Variants in CLCN4 observed in about 807,000 individuals in gnomAD.
The protein encoded by CLCN4 is H(+)/Cl(-) exchange transporter 4.
Under a neutral mutation model 41.7 loss-of-function variants are expected in CLCN4, and 1 was observed. That is an observed-to-expected ratio of 0.02 (90% confidence interval 0.01 to 0.11). The LOEUF (loss-of-function observed/expected upper bound fraction) is 0.11. CLCN4 is among the 10% of genes least tolerant of loss of function. The pLI, the probability that CLCN4 is intolerant of heterozygous loss-of-function variation, is 1.00. For missense variants in CLCN4, 287 were observed against 661.0 expected, an observed-to-expected ratio of 0.43 and a Z score of 6.20; for synonymous variants, 277 against 285.8, an observed-to-expected ratio of 0.97 and a Z score of 0.31.
chrX:10,186,646 C>G (rs1330685443), intron 3 of CLCN4, among the ~76,000 whole-genome samples: 1 of 111,255 alleles, frequency 9.0e-6, no homozygotes, highest in Non-Finnish European at 1.9e-5. Context: ...TGTAGGGAGC[C>G]AGGCTCAGTC....
At chrX:10,201,928 G>A (rs1924246496) in intron 6 of CLCN4, among the ~76,000 whole-genome samples, 1 of 110,749 alleles carries the variant, frequency 9.0e-6, no homozygotes, top group African/African-American at 3.3e-5. Flanking sequence ...AGCTATGATT[G>A]CACCACTGCA....
intron 12 of CLCN4, 29 bp downstream of exon 12, chrX:10,220,906 A>G: frequency 8.8e-7 from 1 of 1,135,257 alleles, no homozygotes; most frequent in African/African-American, 1.8e-5. Context: ...GGCCAGAATG[A>G]CCTAGGGAGA....
intron 11 of CLCN4, among the ~76,000 whole-genome samples, chrX:10,217,928 G>C (rs1924770009): frequency 9.1e-6 from 1 of 110,144 alleles, no homozygotes; most frequent in African/African-American, 3.3e-5. Context: ...TTTTTAGTAG[G>C]GACGGAGCTT....
intron 10 of CLCN4, 55 bp from the exon 11 acceptor site, chrX:10,213,626 T>C: frequency 9.2e-7 from 1 of 1,086,489 alleles, no homozygotes; most frequent in Non-Finnish European, 1.3e-6. Flanking sequence ...CAAATCATGC[T>C]TCCGTGAGCT....
intron 11 of CLCN4, 148 bp downstream of exon 11, chrX:10,214,227 C>CAA (rs1467251494): frequency 6.9e-6 from 4 of 579,152 alleles, no homozygotes; most frequent in Non-Finnish European, 1.0e-5. Context: ...AGGGGTCTGG[C>CAA]TCAAAAGCAG....
chrX:10,232,342 A>C (rs917728104), intron 12 of CLCN4, among the ~76,000 whole-genome samples: 17 of 112,403 alleles, frequency 1.5e-4, no homozygotes, highest in African/African-American at 5.5e-4. Flanking sequence ...CTAAGAGATA[A>C]ATTTGACTAA....
Position 10,198,034 on chromosome X carries a change from A to G in CLCN4, c.528A>G (p.Pro176=). Residue 176 remains proline, a synonymous_variant, in exon 6 of 13, where the codon CCA becomes CCG. Transcript: ENST00000380833. ...LAVSLVRVFA[P]YACGSGIPEI... Reference sequence around the variant, plus strand: ...TCTCCCTGGTGCGTGTATTTGCACCATATGCCTGTGGCTCTGGCATACCAG... The same window carrying G: ...TCTCCCTGGTGCGTGTATTTGCACCGTATGCCTGTGGCTCTGGCATACCAG... 2 of 1,211,073 alleles carry G rather than the reference A, an allele frequency of 1.7e-6. No individual in the cohort carries two copies. Among genetic ancestry groups the G allele is most frequent in the South Asian group, 1.8e-5 (1 of 56,862 alleles).
chrX:10,228,779 G>T (rs1245547628), intron 12 of CLCN4, among the ~76,000 whole-genome samples: 1 of 111,902 alleles, frequency 8.9e-6, no homozygotes, highest in Non-Finnish European at 1.9e-5. Flanking sequence ...TATGAGGTTG[G>T]CAGGGTACAT....
intron 2 of CLCN4, among the ~76,000 whole-genome samples, chrX:10,165,202 C>T (rs953223313): frequency 3.5e-5 from 4 of 113,254 alleles, no homozygotes; most frequent in African/African-American, 1.3e-4. Context: ...CTGGCTATTC[C>T]CTCAGCCCTG....
chrX:10,223,185 A>G (rs990039095), intron 12 of CLCN4, among the ~76,000 whole-genome samples: 4 of 112,135 alleles, frequency 3.6e-5, no homozygotes, highest in Middle Eastern at 4.2e-3. Flanking sequence ...CGATTTATGC[A>G]CTTGAGTTTC....
chrX:10,164,994 G>GT (rs1422171391), intron 2 of CLCN4, among the ~76,000 whole-genome samples: 2 of 112,527 alleles, frequency 1.8e-5, no homozygotes, highest in Non-Finnish European at 3.8e-5. Context: ...GCTGTTCTCT[G>GT]TGGCTGGAGG....
In CLCN4 at chrX:10,182,615, G is replaced by A. The variant is rs568684460; in HGVS notation, c.-11-2407G>A. Among the ~76,000 whole-genome samples, 8 of 112,448 alleles carry A rather than the reference G, an allele frequency of 7.1e-5. No individual in the cohort carries two copies. The East Asian group carries it at 1.1e-3, about 16-fold the overall frequency. On this transcript the variant is annotated intron_variant, in intron 2 of 12. Transcript: ENST00000380833. ...TAATTTTTGTATTTTTAGTGGAGAC[G>A]GGGTTTCACCATGTTGGCCAAGCTG...
intron 2 of CLCN4, among the ~76,000 whole-genome samples, chrX:10,168,249 C>T (rs1169849397): frequency 2.7e-5 from 3 of 111,787 alleles, no homozygotes; most frequent in Admixed American, 9.5e-5. Flanking sequence ...GCTGTCTGGG[C>T]GTTACTTTGG....
chrX:10,178,724 C>T (rs1462219037), intron 2 of CLCN4, among the ~76,000 whole-genome samples: 1 of 111,372 alleles, frequency 9.0e-6, no homozygotes, highest in Non-Finnish European at 1.9e-5. Context: ...ATGTAGTAGC[C>T]ACTGGGGCCC....
intron 2 of CLCN4, among the ~76,000 whole-genome samples, chrX:10,184,485 C>T (rs1188854503): frequency 5.4e-5 from 6 of 111,462 alleles, no homozygotes; most frequent in African/African-American, 2.0e-4. Flanking sequence ...GGGTCCTTTT[C>T]GTGTTCTATT....
chrX:10,197,481 C>G (rs917274882), intron 5 of CLCN4, among the ~76,000 whole-genome samples: 1 of 111,098 alleles, frequency 9.0e-6, no homozygotes, highest in Non-Finnish European at 1.9e-5. Flanking sequence ...AAAATACAGG[C>G]CCGACCCGTA....
chrX:10,195,192 A>G (rs1298166642), intron 5 of CLCN4, 94 bp downstream of exon 5: 1 of 885,228 alleles, frequency 1.1e-6, no homozygotes, highest in Non-Finnish European at 1.6e-6. Flanking sequence ...CTGTGATTTC[A>G]CCTTCAAGTG....
At chrX:10,230,838 A>G (rs1330765705) in intron 12 of CLCN4, among the ~76,000 whole-genome samples, 1 of 112,215 alleles carries the variant, frequency 8.9e-6, no homozygotes, top group African/African-American at 3.2e-5. Flanking sequence ...AACCAATATC[A>G]ATACATTATT....
At chrX:10,203,342 C>T (rs765200397) in intron 6 of CLCN4, among the ~76,000 whole-genome samples, 22 of 111,528 alleles carry the variant, frequency 2.0e-4, no homozygotes, top group African/African-American at 6.5e-4. Flanking sequence ...AGCTAACTAC[C>T]ACTAGTTAAG....
Sources: gnomAD v4.1 joint callset for allele counts (sites outside exome capture counted in the v4.1 genomes callset) on GRCh38, gnomAD v4.1.1 for gene constraint, MANE v1.5 for transcripts, NCBI Gene and HGNC (gene_info 2026-07-23, HGNC 2026-07-21) for gene names.